MSH3: variants seen among roughly 807,000 people sequenced by gnomAD.
MSH3 encodes mutS homolog 3, also known as DNA mismatch repair protein Msh3.
A neutral mutation model predicts 123.3 loss-of-function variants in MSH3; 106 were observed. The ratio of observed to expected loss-of-function variants is 0.86; its 90% CI spans 0.73 to 1.01. The LOEUF (loss-of-function observed/expected upper bound fraction) is 1.01, where lower values mean the gene tolerates loss of function less well. Among genes scored for constraint, MSH3 ranks in the 50% least tolerant of loss-of-function variants. The pLI is 0.00. For missense variants in MSH3, 1,459 were observed against 1,347.6 expected (o/e 1.08, Z -1.29); for synonymous variants, 515 against 481.4 (o/e 1.07, Z -0.91).
At position 80,766,533 on chromosome 5, in the gene MSH3, T is replaced by G. The variant is rs545511174; in HGVS notation, c.1897-1400T>G. 2.0e-5 allele frequency among the ~76,000 whole-genome samples: 3 copies of G among 151,960 alleles called. No individual in the cohort carries two copies. In the East Asian group the frequency reaches 5.8e-4, roughly 29 times the overall value. ...CTAATTTTTGTATTTTTAGTAGAGA[T>G]GGGGTTTCACCATGTTGGTAGGGCT... On this transcript the variant is annotated intron_variant, in intron 13 of 23. Transcript: ENST00000265081.
chr5:80,728,765 C>T (rs1561457726), intron 9 of MSH3, 86 bp from the exon 10 acceptor site: 2 of 733,596 alleles, frequency 2.7e-6, no homozygotes, highest in Non-Finnish European at 4.7e-6. Flanking sequence ...ATAATGCTAA[C>T]AAGTTAATGG....
intron 21 of MSH3, among the ~76,000 whole-genome samples, chr5:80,854,536 AAT>A (rs1425483104): frequency 6.6e-6 from 1 of 152,112 alleles, no homozygotes; most frequent in African/African-American, 2.4e-5. Context: ...GTTATTTTGA[AAT>A]ATATATTATT....
chr5:80,815,511 A>G (rs1745085553), intron 20 of MSH3, among the ~76,000 whole-genome samples: 1 of 152,202 alleles, frequency 6.6e-6, no homozygotes, highest in Non-Finnish European at 1.5e-5. Context: ...TTTTTGTCAT[A>G]TAAGGAGAAG....
intron 20 of MSH3, among the ~76,000 whole-genome samples, chr5:80,852,235 C>G (rs925836319): frequency 6.6e-6 from 1 of 152,116 alleles, no homozygotes; most frequent in East Asian, 1.9e-4. Context: ...CTGAGGTGGG[C>G]ACTCGCTTGA....
At chr5:80,780,980 T>C (rs1002222837) in intron 17 of MSH3, among the ~76,000 whole-genome samples, 4 of 152,152 alleles carry the variant, frequency 2.6e-5, no homozygotes, top group African/African-American at 9.7e-5. Flanking sequence ...AAAAAAGATA[T>C]GTGAGAATTT....
intron 22 of MSH3, among the ~76,000 whole-genome samples, chr5:80,871,706 A>G (rs1432587710): frequency 6.6e-6 from 1 of 152,138 alleles, no homozygotes; most frequent in Non-Finnish European, 1.5e-5. Flanking sequence ...GAGAGTACCC[A>G]AGTCAGAAGC....
intron 20 of MSH3, among the ~76,000 whole-genome samples, chr5:80,847,519 C>T (rs995291521): frequency 5.3e-5 from 8 of 152,084 alleles, no homozygotes; most frequent in African/African-American, 1.9e-4. Context: ...AAAGAAATTG[C>T]TCCCGTTATC....
chr5:80,706,872 T>C (rs1338040929), intron 8 of MSH3, among the ~76,000 whole-genome samples: 7 of 152,228 alleles, frequency 4.6e-5, no homozygotes, highest in African/African-American at 1.7e-4. Flanking sequence ...TCAATTTTAA[T>C]CAGGTGTAAT....
chr5:80,854,045 T>G, intron 20 of MSH3, 85 bp from the exon 21 acceptor site: 1 of 1,090,442 alleles, frequency 9.2e-7, no homozygotes, highest in Non-Finnish European at 1.4e-6. Flanking sequence ...TAGTGATCTT[T>G]TATATTTATT....
intron 20 of MSH3, among the ~76,000 whole-genome samples, chr5:80,832,004 G>A (rs1018986822): frequency 4.6e-5 from 7 of 152,098 alleles, no homozygotes; most frequent in African/African-American, 1.7e-4. Context: ...CAGCTACTCG[G>A]GAGGCTGAGG....
intron 9 of MSH3, among the ~76,000 whole-genome samples, chr5:80,727,114 A>G (rs377137652): frequency 6.6e-6 from 1 of 152,208 alleles, no homozygotes; most frequent in Non-Finnish European, 1.5e-5. Flanking sequence ...ACAAAAGTCA[A>G]CGCACTAAGG....
Position 80,654,680 on chromosome 5 carries a change from C to T in MSH3, c.-48C>T. On this transcript the variant is annotated 5_prime_UTR_variant, in exon 1 of 24. Transcript: ENST00000265081. The stretch of plus-strand genomic sequence containing the variant: ...CGCCTGGGAACTGCGGCCGCGGGCT[C>T]GCGCTCCTCGCCAGGCCCTGCCGCC... 6.5e-7 allele frequency: 1 copy of T among 1,540,536 alleles called. No individual in the cohort carries two copies. The highest frequency in any genetic ancestry group is 8.8e-7 in the Non-Finnish European group (1 of 1,139,716).
chr5:80,726,578 C>G (rs1657704386), intron 9 of MSH3, among the ~76,000 whole-genome samples: 2 of 152,122 alleles, frequency 1.3e-5, no homozygotes, highest in Admixed American at 1.3e-4. Flanking sequence ...GCAGTCCTCC[C>G]ACGTCAGCCT....
chr5:80,716,536 A>G (rs1397571482), intron 8 of MSH3, among the ~76,000 whole-genome samples: 1 of 151,980 alleles, frequency 6.6e-6, no homozygotes. Flanking sequence ...AGTAGCTGTG[A>G]TTACGGGTGT....
chr5:80,860,202 A>C (rs1438494524), intron 21 of MSH3, among the ~76,000 whole-genome samples: 4 of 152,200 alleles, frequency 2.6e-5, no homozygotes, highest in Non-Finnish European at 5.9e-5. Context: ...AAAAATAAGA[A>C]AAATAAAAGT....
intron 8 of MSH3, among the ~76,000 whole-genome samples, chr5:80,689,118 T>C (rs1444953433): frequency 6.6e-6 from 1 of 151,892 alleles, no homozygotes; most frequent in Non-Finnish European, 1.5e-5. Context: ...GAACATCGAG[T>C]TGACTGGAGT....
chr5:80,820,848 C>G (rs751346555), intron 20 of MSH3, among the ~76,000 whole-genome samples: 1 of 152,208 alleles, frequency 6.6e-6, no homozygotes, highest in Non-Finnish European at 1.5e-5. Flanking sequence ...TGACAACACT[C>G]TGTGTACCAG....
intron 20 of MSH3, among the ~76,000 whole-genome samples, chr5:80,824,514 C>A (rs1745260457): frequency 6.6e-6 from 1 of 152,196 alleles, no homozygotes; most frequent in South Asian, 2.1e-4. Context: ...TTAAAAGTGT[C>A]CCAGATGATT....
rs2112880010 is a variant in MSH3, at chr5:80,761,642, C to T, written c.1860C>T (p.Asp620=). 2.5e-6 allele frequency: 4 copies of T among 1,614,014 alleles called. No individual in the cohort carries two copies. The South Asian group carries it at 4.4e-5, about 18-fold the overall frequency. The change falls in exon 13 of 24, where the codon GAC becomes GAT. Residue 620 remains aspartate (D), a synonymous_variant. Transcript: ENST00000265081. ...AAAATCATCTACGTAAATTGCCCGA[C>T]ATAGAGAGGGGACTCTGTAGCATTT... is the stretch of plus-strand genomic sequence containing the variant. ...QIENHLRKLP[D]IERGLCSIYH...
Sources: gnomAD v4.1 joint callset for allele counts (sites outside exome capture counted in the v4.1 genomes callset) on GRCh38, gnomAD v4.1.1 for gene constraint, MANE v1.5 for transcripts, NCBI Gene and HGNC (gene_info 2026-07-23, HGNC 2026-07-21) for gene names.